SEMA3A: variants seen among roughly 807,000 people sequenced by gnomAD.
The protein encoded by SEMA3A is semaphorin-3A.
Under a neutral mutation model 97.9 loss-of-function variants are expected in SEMA3A, and 29 were observed. The ratio of observed to expected loss-of-function variants is 0.30; its 90% CI spans 0.22 to 0.40. The LOEUF (loss-of-function observed/expected upper bound fraction) is 0.40. Ranked by LOEUF, SEMA3A falls within the 10% of genes least tolerant of loss-of-function variation. The probability of loss-of-function intolerance (pLI) is 1.00; values close to 1 mark genes in which losing one functional copy is unlikely to be tolerated. For missense variants in SEMA3A, 763 were observed against 951.3 expected, an observed-to-expected ratio of 0.80 and a Z score of 2.60; for synonymous variants, 321 against 323.7, an observed-to-expected ratio of 0.99 and a Z score of 0.09.
rs188289170 is a variant in SEMA3A at position 84,064,497 on chromosome 7, C to G, written c.454-3939G>C. 6.6e-4 allele frequency among the ~76,000 whole-genome samples: 100 copies of G among 152,188 alleles called. 1 individual carries two copies. The highest frequency in any genetic ancestry group is 2.5e-4 in the Non-Finnish European group (17 of 68,030). On this transcript the variant is annotated intron_variant, in intron 4 of 16. Coordinates refer to ENST00000265362, the MANE Select transcript of SEMA3A (RefSeq NM_006080.3). ...GGCAAATTGGATAAAGAGTCAAGAG[C>G]CATCAGTGTGCTGTACTCAGGAAAC...
chr7:84,207,105 A>G (rs576373006), intron 3 of SEMA3A, among the ~76,000 whole-genome samples: 24 of 152,366 alleles, frequency 1.6e-4, no homozygotes, highest in Admixed American at 1.6e-3. Context: ...AGTAAAGTGC[A>G]TATTTCATGA....
At chr7:84,117,482 C>A (rs938428498) in intron 3 of SEMA3A, among the ~76,000 whole-genome samples, 2 of 152,302 alleles carry the variant, frequency 1.3e-5, no homozygotes, top group South Asian at 4.1e-4. Flanking sequence ...CTGTTAAGAA[C>A]AGGCTGCACA....
intron 1 of SEMA3A, among the ~76,000 whole-genome samples, chr7:84,464,498 T>A (rs1805941013): frequency 6.6e-6 from 1 of 152,024 alleles, no homozygotes; most frequent in South Asian, 2.1e-4. Flanking sequence ...GTTTAATAGG[T>A]TTAAGAATGA....
At chr7:84,486,725 T>G (rs1437698270) in intron 1 of SEMA3A, among the ~76,000 whole-genome samples, 1 of 152,178 alleles carries the variant, frequency 6.6e-6, no homozygotes, top group Non-Finnish European at 1.5e-5. Context: ...TATAGAGAAT[T>G]TTGGATTTGT....
intron 1 of SEMA3A, among the ~76,000 whole-genome samples, chr7:84,387,773 T>C (rs765497516): frequency 4.6e-5 from 7 of 152,092 alleles, no homozygotes; most frequent in Non-Finnish European, 1.0e-4. Context: ...GTAGACATGG[T>C]TGACATATTA....
At chr7:84,329,745 A>G (rs892341898) in intron 2 of SEMA3A, among the ~76,000 whole-genome samples, 5 of 152,088 alleles carry the variant, frequency 3.3e-5, no homozygotes, top group African/African-American at 1.2e-4. Context: ...TTTCTAATTG[A>G]AAATTAAAAT....
chr7:84,182,817 G>A (rs572499556), intron 1 of SEMA3A, among the ~76,000 whole-genome samples: 35 of 152,086 alleles, frequency 2.3e-4, no homozygotes, highest in Admixed American at 4.6e-4. Context: ...AAACATTACC[G>A]TTTTACAAAG....
At chr7:84,080,525 A>G (rs1240932004) in intron 4 of SEMA3A, among the ~76,000 whole-genome samples, 1 of 151,154 alleles carries the variant, frequency 6.6e-6, no homozygotes, top group Non-Finnish European at 1.5e-5. Context: ...TTTGATTAAT[A>G]TCTTACTCAG....
chr7:84,319,167 A>G (rs1476823115), intron 2 of SEMA3A, among the ~76,000 whole-genome samples: 1 of 152,184 alleles, frequency 6.6e-6, no homozygotes, highest in Admixed American at 6.5e-5. Flanking sequence ...AATTTGGATA[A>G]CCAGTGACAA....
At chr7:84,094,308 A>G (rs1318138917) in intron 4 of SEMA3A, among the ~76,000 whole-genome samples, 2 of 146,974 alleles carry the variant, frequency 1.4e-5, no homozygotes, top group Non-Finnish European at 3.0e-5. Context: ...TTCTCCCTAC[A>G]TCTAAGATCT....
At chr7:84,285,548 T>C (rs1008557042) in intron 3 of SEMA3A, among the ~76,000 whole-genome samples, 8 of 152,202 alleles carry the variant, frequency 5.3e-5, no homozygotes, top group African/African-American at 1.7e-4. Context: ...AAGTGACTAA[T>C]ATAAATTCAA....
chr7:84,337,089 C>CA (rs1290056289), intron 2 of SEMA3A, among the ~76,000 whole-genome samples: 1 of 152,088 alleles, frequency 6.6e-6, no homozygotes, highest in Admixed American at 6.6e-5. Context: ...CCTTAAGACT[C>CA]AGTTAACTCA....
intron 1 of SEMA3A, among the ~76,000 whole-genome samples, chr7:84,465,102 T>C (rs888417007): frequency 6.6e-6 from 1 of 152,220 alleles, no homozygotes; most frequent in African/African-American, 2.4e-5. Context: ...TCTATAATTA[T>C]ACATAAATGT....
At position 83,957,235 on chromosome 7, in the gene SEMA3A, C is replaced by A. The variant is rs985153091; in HGVS notation, c.*4136G>T. 2.6e-5 allele frequency: 4 copies of A among 151,884 alleles called. No homozygotes were observed. The highest frequency in any genetic ancestry group is 2.6e-4 in the Admixed American group (4 of 15,250). 9.4% of individuals were successfully genotyped at this position (151,884 alleles called of 1,614,324 possible). A position where few individuals can be genotyped will look rare whatever the true frequency, so the allele number is the denominator to read the frequency against. On this transcript the variant is annotated 3_prime_UTR_variant, in exon 17 of 17. Coordinates refer to ENST00000265362, the MANE Select transcript of SEMA3A (RefSeq NM_006080.3). ...GGATGGGAGGATTAGGAAAGACTTGCTGGATTAGATGATGATAAGTCATCT... is the reference window on the plus strand; with the variant it reads ...GGATGGGAGGATTAGGAAAGACTTGATGGATTAGATGATGATAAGTCATCT...
intron 3 of SEMA3A, among the ~76,000 whole-genome samples, chr7:84,229,332 C>T (rs926621355): frequency 1.3e-5 from 2 of 152,092 alleles, no homozygotes; most frequent in African/African-American, 4.8e-5. Context: ...ATTAGGCCCC[C>T]TCTTAGTAGT....
At chr7:84,299,274 C>A (rs1487926434) in intron 3 of SEMA3A, among the ~76,000 whole-genome samples, 2 of 137,138 alleles carry the variant, frequency 1.5e-5, no homozygotes, top group Admixed American at 7.4e-5. Flanking sequence ...ATATATATAT[C>A]TCCATATATA....
intron 2 of SEMA3A, among the ~76,000 whole-genome samples, chr7:84,366,610 C>T (rs547572322): frequency 6.6e-6 from 1 of 151,462 alleles, no homozygotes; most frequent in East Asian, 1.9e-4. Context: ...TACAACCATA[C>T]TTTACACTCA....
intron 1 of SEMA3A, among the ~76,000 whole-genome samples, chr7:84,434,858 T>C (rs886299768): frequency 6.6e-6 from 1 of 152,074 alleles, no homozygotes; most frequent in African/African-American, 2.4e-5. Context: ...AAGGAATATA[T>C]GTCAAAATAT....
rs568166949 is a variant in SEMA3A, at chr7:84,251,184, T to C, written c.-83+56023A>G. 2.0e-5 allele frequency among the ~76,000 whole-genome samples: 3 copies of C among 152,250 alleles called. No individual in the cohort carries two copies. In the South Asian group the frequency reaches 6.2e-4, roughly 31 times the overall value. ...TGACACCATTAATTTCTTTGTTCTATGCGACTGACTAACTTTAATGATATC... is the reference window on the plus strand; with the variant it reads ...TGACACCATTAATTTCTTTGTTCTACGCGACTGACTAACTTTAATGATATC... On this transcript the variant is annotated intron_variant, in intron 3 of 3. Coordinates refer to the SEMA3A transcript ENST00000424555.
Sources: gnomAD v4.1 joint callset for allele counts (sites outside exome capture counted in the v4.1 genomes callset) on GRCh38, gnomAD v4.1.1 for gene constraint, MANE v1.5 for transcripts, NCBI Gene and HGNC (gene_info 2026-07-23, HGNC 2026-07-21) for gene names.